The following ANK2 variants were observed in gnomAD, a reference collection of about 807,000 sequenced individuals.
ANK2 encodes the protein ankyrin-2.
In ANK2, 83 loss-of-function variants were observed where a neutral mutation model predicts 360.5. That is an observed-to-expected ratio of 0.23 (90% CI 0.19 to 0.28). ANK2 has a LOEUF of 0.28. Ranked by LOEUF, ANK2 falls within the 10% of genes least tolerant of loss-of-function variation. The pLI is 1.00. For synonymous variants in ANK2, 1,740 were observed against 1,759.5 expected, an observed-to-expected ratio of 0.99 and a Z score of 0.28; for missense variants, 4,201 against 4,795.7, an observed-to-expected ratio of 0.88 and a Z score of 3.66.
intron 4 of ANK2, among the ~76,000 whole-genome samples, chr4:113,220,712 C>A (rs778206948): frequency 6.6e-6 from 1 of 152,136 alleles, no homozygotes; most frequent in Admixed American, 6.5e-5. Context: ...TAAAGCATTA[C>A]TAGCCATCTC....
At chr4:113,110,496 G>A (rs5018999) in intron 1 of ANK2, among the ~76,000 whole-genome samples, 32,355 of 152,046 alleles carry the variant, frequency 0.21, 3,615 homozygotes, top group African/African-American at 0.26. Flanking sequence ...TGGTAAAGAA[G>A]TGAAAATGGA....
At chr4:112,713,797 G>A in the ANK2 span, among the ~76,000 whole-genome samples, 4 of 151,932 alleles carry the variant, frequency 2.6e-5, no homozygotes, top group East Asian at 2.0e-4. Flanking sequence ...AGCCGGGCGT[G>A]GTGGCAGGCG....
At chr4:113,217,864 TTCTTTGAGGTTTTA>T (rs2153475783) in intron 4 of ANK2, among the ~76,000 whole-genome samples, 1 of 152,354 alleles carries the variant, frequency 6.6e-6, no homozygotes, top group South Asian at 2.1e-4. Flanking sequence ...AAGATGTTTA[TTCTTTGAGGTTTTA>T]TCTTTGGCAA....
At chr4:113,025,726 A>G (rs2059145390) in intron 2 of ANK2, among the ~76,000 whole-genome samples, 1 of 152,154 alleles carries the variant, frequency 6.6e-6, no homozygotes, top group South Asian at 2.1e-4. Flanking sequence ...TATAAATTTA[A>G]ATTGCTAAGG....
Position 113,359,221 on chromosome 4 carries a change from A to G in ANK2, c.10603A>G (p.Thr3535Ala). 6.2e-7 allele frequency: 1 copy of G among 1,613,712 alleles called. No individual in the cohort carries two copies. Among genetic ancestry groups the G allele is most frequent in the Non-Finnish European group, 8.5e-7 (1 of 1,179,720 alleles). ...EHSVPEDIFDTRPIWDESIET... is the reference protein window; with the variant it reads ...EHSVPEDIFDARPIWDESIET... The stretch of plus-strand genomic sequence containing the variant: ...CTCAGTTCCTGAGGACATCTTTGAC[A>G]CAAGGCCCATTTGGGATGAGTCTAT... Residue 3535 changes from threonine to alanine, a missense_variant, in exon 38 of 46, where the codon ACA becomes GCA. Coordinates refer to ENST00000357077, the MANE Select transcript of ANK2 (RefSeq NM_001148.6).
chr4:113,288,371 T>TTTA lies in ANK2; in HGVS notation c.2179-8_2179-6dup. On this transcript the variant is annotated splice_polypyrimidine_tract_variant and intron_variant, in intron 19 of 45. Coordinates refer to ENST00000357077, the MANE Select transcript of ANK2 (RefSeq NM_001148.6). ...TTTCTACTTTATCTATTTTTAACTT[T>TTTA]TTATTATTATTTACAGCTTGGTTAC... The TTTA allele has an allele frequency of 6.2e-7, 1 of 1,605,246 alleles. No individual in the cohort carries two copies. Among genetic ancestry groups the TTTA allele is most frequent in the Non-Finnish European group, 8.5e-7 (1 of 1,172,480 alleles).
intron 2 of ANK2, among the ~76,000 whole-genome samples, chr4:112,935,588 G>A (rs2093656296): frequency 6.6e-6 from 1 of 152,028 alleles, no homozygotes; most frequent in Non-Finnish European, 1.5e-5. Flanking sequence ...ATAAAAATAG[G>A]CCTAACACTT....
chr4:112,813,775 G>A (rs1314594645), upstream of ANK2, among the ~76,000 whole-genome samples: 1 of 152,124 alleles, frequency 6.6e-6, no homozygotes, highest in African/African-American at 2.4e-5. Flanking sequence ...AGCTCAAGCT[G>A]TCTACCCATC....
chr4:113,063,028 G>T (rs1319406793), intron 1 of ANK2, among the ~76,000 whole-genome samples: 2 of 152,054 alleles, frequency 1.3e-5, no homozygotes, highest in African/African-American at 4.8e-5. Flanking sequence ...TGTTATAGCT[G>T]ACTGAAAATT....
At chr4:112,724,544 G>GACAC in the ANK2 span, among the ~76,000 whole-genome samples, 1 of 115,918 alleles carries the variant, frequency 8.6e-6, no homozygotes, top group Admixed American at 8.4e-5. Flanking sequence ...CAAATATATA[G>GACAC]ACACACACAC....
chr4:113,192,223 G>T (rs1490726927), intron 2 of ANK2, among the ~76,000 whole-genome samples: 2 of 152,110 alleles, frequency 1.3e-5, no homozygotes. Flanking sequence ...CTCCCTTAAA[G>T]TGATTTTTGT....
intron 11 of ANK2, among the ~76,000 whole-genome samples, chr4:113,257,349 C>T (rs2050059903): frequency 6.6e-6 from 1 of 152,202 alleles, no homozygotes; most frequent in South Asian, 2.1e-4. Flanking sequence ...TTCTTCTCCA[C>T]ATTTCTTTAC....
At chr4:113,066,843 C>T (rs776610384) in intron 1 of ANK2, among the ~76,000 whole-genome samples, 9 of 152,116 alleles carry the variant, frequency 5.9e-5, no homozygotes, top group Admixed American at 4.6e-4. Flanking sequence ...CTCTGTGTCT[C>T]AGCTGCCTCA....
the ANK2 span, among the ~76,000 whole-genome samples, chr4:112,774,749 T>C: frequency 6.6e-6 from 1 of 152,112 alleles, no homozygotes; most frequent in African/African-American, 2.4e-5. Context: ...CAAGGAATAG[T>C]GTGAGTCAAA....
intron 1 of ANK2, among the ~76,000 whole-genome samples, chr4:113,131,903 T>G (rs2096061867): frequency 6.6e-6 from 1 of 152,128 alleles, no homozygotes; most frequent in African/African-American, 2.4e-5. Flanking sequence ...GATATAAGAG[T>G]GAAATGTATA....
At chr4:113,324,269 A>T (rs2088387298) in intron 26 of ANK2, among the ~76,000 whole-genome samples, 1 of 152,212 alleles carries the variant, frequency 6.6e-6, no homozygotes, top group Admixed American at 6.5e-5. Flanking sequence ...GTGTATTAGT[A>T]GTGCATTTCC....
At chr4:113,138,280 T>C (rs565554713) in intron 1 of ANK2, among the ~76,000 whole-genome samples, 39 of 152,306 alleles carry the variant, frequency 2.6e-4, no homozygotes, top group Non-Finnish European at 4.7e-4. Context: ...TATCATTCCA[T>C]AATTGTAGTG....
intron 4 of ANK2, among the ~76,000 whole-genome samples, chr4:113,229,065 A>G (rs1029303981): frequency 6.6e-6 from 1 of 152,176 alleles, no homozygotes; most frequent in Non-Finnish European, 1.5e-5. Flanking sequence ...CAACCTGCAC[A>G]TATTCAAGCT....
chr4:113,367,819 A>T lies in ANK2; in HGVS notation c.11286A>T (p.Glu3762Asp), dbSNP rs1383322375. ...DFSGKMQDLP[E>D]ESSLEYQQEY... is the part of the protein sequence containing the mutation. ...CAGGGAAAATGCAAGACCTGCCTGA[A>T]GAGTCATCTCTGGAATATCAGCAGG... Residue 3762 changes from glutamate (E) to aspartate (D), a missense_variant, in exon 42 of 46, where the codon GAA (glutamate) becomes GAT (aspartate). By Grantham distance (45) the Glu-to-Asp change is conservative (BLOSUM62 2). This residue lies in a region of ANK2 where 2,642 missense variants were observed against 2,714.5 expected (regional missense o/e 0.97). Coordinates refer to ENST00000357077, the MANE Select transcript of ANK2 (RefSeq NM_001148.6). 3 of 1,614,178 alleles carry T rather than the reference A, an allele frequency of 1.9e-6. No individual in the cohort carries two copies. In the Admixed American group the frequency reaches 5.0e-5, roughly 27 times the overall value.
Sources: allele counts gnomAD v4.1 joint callset (sites outside exome capture counted in the v4.1 genomes callset), GRCh38; gene constraint gnomAD v4.1.1; regional missense constraint gnomAD v4.1.1; transcripts MANE v1.5; gene names NCBI Gene and HGNC (gene_info 2026-07-23, HGNC 2026-07-21).